IMMP2L: variants seen among roughly 807,000 people sequenced by gnomAD.
IMMP2L encodes inner mitochondrial membrane peptidase subunit 2.
In IMMP2L, 18 loss-of-function variants were observed where a neutral mutation model predicts 19.3. The observed-to-expected ratio is 0.93, with a 90% confidence interval of 0.64 to 1.38. IMMP2L has a LOEUF of 1.38. IMMP2L is among the 40% of genes most tolerant of loss of function. IMMP2L has a pLI of 0.00. For synonymous variants in IMMP2L, 76 were observed against 73.0 expected (o/e 1.04, Z -0.21); for missense variants, 233 against 218.2 (o/e 1.07, Z -0.43).
intron 3 of IMMP2L, among the ~76,000 whole-genome samples, chr7:111,188,847 T>C (rs1339117076): frequency 1.3e-5 from 2 of 152,144 alleles, no homozygotes; most frequent in African/African-American, 4.8e-5. Context: ...CTATTAGTCC[T>C]ACAGAATAAC....
At chr7:111,003,755 T>C (rs1050209544) in intron 3 of IMMP2L, among the ~76,000 whole-genome samples, 11 of 152,082 alleles carry the variant, frequency 7.2e-5, no homozygotes, top group Admixed American at 2.6e-4. Context: ...CAAGTAATCC[T>C]CCTACCTTGG....
intron 3 of IMMP2L, among the ~76,000 whole-genome samples, chr7:111,373,581 G>C (rs1199161419): frequency 6.6e-6 from 1 of 151,930 alleles, no homozygotes; most frequent in Non-Finnish European, 1.5e-5. Context: ...CTGTTTTCTT[G>C]ACAACTTCAG....
intron 5 of IMMP2L, among the ~76,000 whole-genome samples, chr7:110,873,030 G>A (rs1808684946): frequency 6.6e-6 from 1 of 152,264 alleles, no homozygotes; most frequent in South Asian, 2.1e-4. Context: ...ATATTTGGGG[G>A]GAGCCCCCAC....
At chr7:111,069,121 G>A (rs932524061) in intron 3 of IMMP2L, among the ~76,000 whole-genome samples, 1 of 152,118 alleles carries the variant, frequency 6.6e-6, no homozygotes, top group Non-Finnish European at 1.5e-5. Flanking sequence ...ATTTTGTAAT[G>A]TTCCCATCTT....
At chr7:110,881,593 T>G (rs1008940234) in intron 5 of IMMP2L, among the ~76,000 whole-genome samples, 2 of 152,224 alleles carry the variant, frequency 1.3e-5, no homozygotes, top group Admixed American at 6.5e-5. Flanking sequence ...ATACTTCATT[T>G]GGATCCTGTC....
chr7:111,398,711 T>C (rs904957260), intron 3 of IMMP2L, among the ~76,000 whole-genome samples: 3 of 151,928 alleles, frequency 2.0e-5, no homozygotes, highest in Non-Finnish European at 4.4e-5. Context: ...AACATGATCA[T>C]TTACCTTGAA....
chr7:111,220,631 G>T (rs964400631), intron 3 of IMMP2L, among the ~76,000 whole-genome samples: 9 of 149,916 alleles, frequency 6.0e-5, no homozygotes, highest in African/African-American at 1.9e-4. Flanking sequence ...GATACAGAGG[G>T]AGAGAGAGAG....
chr7:111,050,796 TA>T (rs1441863268), intron 3 of IMMP2L, among the ~76,000 whole-genome samples: 1 of 152,208 alleles, frequency 6.6e-6, no homozygotes, highest in Non-Finnish European at 1.5e-5. Flanking sequence ...TTTATGCCCT[TA>T]AAAACACACA....
chr7:110,688,287 A>G (rs1793255720), intron 5 of IMMP2L, among the ~76,000 whole-genome samples: 1 of 152,084 alleles, frequency 6.6e-6, no homozygotes, highest in African/African-American at 2.4e-5. Context: ...ACTTAGAAAT[A>G]GCTCGTGGAA....
At chr7:111,049,477 A>G (rs1255133627) in intron 3 of IMMP2L, among the ~76,000 whole-genome samples, 1 of 152,152 alleles carries the variant, frequency 6.6e-6, no homozygotes, top group Admixed American at 6.5e-5. Context: ...TTAAAACTTC[A>G]GCCTATAGCT....
chr7:110,937,817 G>C (rs1816287518), intron 4 of IMMP2L, among the ~76,000 whole-genome samples: 1 of 152,134 alleles, frequency 6.6e-6, no homozygotes, highest in South Asian at 2.1e-4. Flanking sequence ...GCCTCTGCTG[G>C]ATCTTCCTTC....
At chr7:110,973,955 T>C (rs187409604) in intron 3 of IMMP2L, among the ~76,000 whole-genome samples, 1 of 152,192 alleles carries the variant, frequency 6.6e-6, no homozygotes, top group African/African-American at 2.4e-5. Flanking sequence ...ACCGTCATCT[T>C]CATGTGTGGA....
intron 3 of IMMP2L, among the ~76,000 whole-genome samples, chr7:111,465,814 C>T (rs1215625778): frequency 1.3e-5 from 2 of 151,312 alleles, no homozygotes; most frequent in Non-Finnish European, 3.0e-5. Flanking sequence ...ACCCAGCAAT[C>T]CCATTACTGG....
At chr7:111,063,047 C>T (rs969770298) in intron 3 of IMMP2L, among the ~76,000 whole-genome samples, 3 of 152,218 alleles carry the variant, frequency 2.0e-5, no homozygotes, top group Non-Finnish European at 4.4e-5. Context: ...TCTGTGGGGA[C>T]TCCCACCTCA....
intron 1 of IMMP2L, among the ~76,000 whole-genome samples, chr7:111,534,540 T>C (rs1847704433): frequency 6.6e-6 from 1 of 152,148 alleles, no homozygotes; most frequent in Admixed American, 6.5e-5. Context: ...GAATTTCACT[T>C]TATGCTTTAT....
intron 3 of IMMP2L, chr7:111,411,381 CA>C (rs35298826): frequency 8.0e-5 from 37 of 463,182 alleles, no homozygotes; most frequent in South Asian, 1.6e-4. Context: ...AGATCAAGTT[CA>C]AAAAAAGGGG....
At chr7:110,749,222 C>T (rs553980309) in intron 5 of IMMP2L, among the ~76,000 whole-genome samples, 76 of 152,224 alleles carry the variant, frequency 5.0e-4, no homozygotes, top group Admixed American at 4.8e-3. Flanking sequence ...GTTAGAATGG[C>T]AATCATTAAA....
chr7:111,291,801 T>A (rs1821137517), intron 3 of IMMP2L, among the ~76,000 whole-genome samples: 1 of 152,192 alleles, frequency 6.6e-6, no homozygotes, highest in African/African-American at 2.4e-5. Context: ...AAGGATTTGT[T>A]AATTAACAGA....
intron 3 of IMMP2L, among the ~76,000 whole-genome samples, chr7:111,114,271 G>T (rs2129584805): frequency 6.6e-6 from 1 of 151,982 alleles, no homozygotes; most frequent in African/African-American, 2.4e-5. Flanking sequence ...AGCTCCTAAG[G>T]ATCTTTTTAT....
Sources: gnomAD v4.1 joint callset for allele counts (sites outside exome capture counted in the v4.1 genomes callset) on GRCh38, gnomAD v4.1.1 for gene constraint, MANE v1.5 for transcripts, NCBI Gene and HGNC (gene_info 2026-07-23, HGNC 2026-07-21) for gene names.